The following PTGFRN variants were observed in gnomAD, a reference collection of about 807,000 sequenced individuals.
PTGFRN encodes the protein prostaglandin F2 receptor inhibitor, also known as prostaglandin F2 receptor negative regulator.
A neutral mutation model predicts 83.2 loss-of-function variants in PTGFRN; 35 were observed. That is an observed-to-expected ratio of 0.42 (90% CI 0.32 to 0.56). The LOEUF (loss-of-function observed/expected upper bound fraction) is 0.56, where lower values mean the gene tolerates loss of function less well. Among genes scored for constraint, PTGFRN ranks in the 20% least tolerant of loss-of-function variants. PTGFRN has a pLI of 0.11. For missense variants in PTGFRN, 1,051 were observed against 1,179.5 expected (o/e 0.89, Z 1.60); for synonymous variants, 519 against 498.6 (o/e 1.04, Z -0.55).
At chr1:116,937,905 C>T (rs1238020222) in intron 1 of PTGFRN, among the ~76,000 whole-genome samples, 1 of 152,116 alleles carries the variant, frequency 6.6e-6, no homozygotes, top group Non-Finnish European at 1.5e-5. Context: ...TTAATCCTTA[C>T]CACAGCCCTC....
Position 116,941,806 on chromosome 1 carries a change from C to T in PTGFRN, c.141C>T (p.Asp47=), listed in dbSNP as rs370008766. 3.1e-6 allele frequency: 5 copies of T among 1,614,066 alleles called. No homozygotes were observed. Among genetic ancestry groups the T allele is most frequent in the Admixed American group, 1.7e-5 (1 of 60,006 alleles). ...TELVIPCNVS[D]YDGPSEQNFD... ...TGGTCATCCCCTGCAACGTCAGTGACTATGATGGCCCCAGCGAGCAAAACT... is the reference window on the plus strand; with the variant it reads ...TGGTCATCCCCTGCAACGTCAGTGATTATGATGGCCCCAGCGAGCAAAACT... The change falls in exon 2 of 9, where the codon GAC becomes GAT. Residue 47 remains aspartate (D), a synonymous_variant. Coordinates refer to ENST00000393203, the MANE Select transcript of PTGFRN (RefSeq NM_020440.4). The surrounding 1 kb of genome is among the most constrained non-coding windows in gnomAD (Gnocchi z 5.0).
At chr1:116,943,864 G>A (rs1650117714) in intron 2 of PTGFRN, among the ~76,000 whole-genome samples, 1 of 152,210 alleles carries the variant, frequency 6.6e-6, no homozygotes, top group Non-Finnish European at 1.5e-5. Flanking sequence ...ATGAATAGTG[G>A]TGTTGGAGGG....
chr1:116,936,893 A>T (rs1278765080), intron 1 of PTGFRN, among the ~76,000 whole-genome samples: 1 of 152,224 alleles, frequency 6.6e-6, no homozygotes, highest in Admixed American at 6.5e-5. Flanking sequence ...ATCACTACTC[A>T]TATGGAACTT....
In PTGFRN at chr1:116,966,759, A is replaced by G. The variant is rs377579560; in HGVS notation, c.1640-152A>G. 172 of 797,858 alleles carry G rather than the reference A, an allele frequency of 2.2e-4. 2 individuals carry two copies. In the South Asian group the frequency reaches 3.2e-3, roughly 15 times the overall value. 49.4% of individuals were successfully genotyped at this position (797,858 alleles called of 1,614,324 possible). A position where few individuals can be genotyped will look rare whatever the true frequency, so the allele number is the denominator to read the frequency against. The stretch of plus-strand genomic sequence containing the variant: ...GGTTTTAGCCTGCTTATAGATACAC[A>G]TGATTTTCTTTCTGAGTTTCCAGAT... On this transcript the variant is annotated intron_variant, in intron 5 of 8. Coordinates refer to ENST00000393203, the MANE Select transcript of PTGFRN (RefSeq NM_020440.4).
chr1:116,969,769 A>G (rs1006720006), intron 6 of PTGFRN, among the ~76,000 whole-genome samples: 2 of 152,210 alleles, frequency 1.3e-5, no homozygotes, highest in East Asian at 3.9e-4. Context: ...AATTTTTTCC[A>G]TGGTGTTTCG....
Position 116,941,899 on chromosome 1 carries a change from C to T in PTGFRN, c.234C>T (p.Phe78=). The change falls in exon 2 of 9, where the codon TTC becomes TTT. Residue 78 remains phenylalanine (F), a synonymous_variant. Transcript: ENST00000393203. This position sits in a 1 kb window ranked among gnomAD's most constrained non-coding sequence, Gnocchi z 5.0. ...TTGCAAGCACCTGGGAGGTGGGGTTCCCAGCCCAGCTGTACCAGGAGCGGC... is the reference window on the plus strand; with the variant it reads ...TTGCAAGCACCTGGGAGGTGGGGTTTCCAGCCCAGCTGTACCAGGAGCGGC... ...VELASTWEVG[F]PAQLYQERLQ... is the part of the protein sequence containing the mutation. 1 of 1,614,122 alleles carries T rather than the reference C, an allele frequency of 6.2e-7. No homozygotes were observed. The highest frequency in any genetic ancestry group is 1.1e-5 in the South Asian group (1 of 91,074).
Position 116,918,389 on chromosome 1 carries a change from A to G in PTGFRN, c.49+8137A>G, listed in dbSNP as rs978126862. On this transcript the variant is annotated intron_variant, in intron 1 of 8. Transcript: ENST00000393203. This position sits in a 1 kb window ranked among gnomAD's most constrained non-coding sequence, Gnocchi z 4.1. ...GATTAAAAACAATATATTTAGAAGAATGCAAACATTAGTGTATGTAAGTTC... is the reference window on the plus strand; with the variant it reads ...GATTAAAAACAATATATTTAGAAGAGTGCAAACATTAGTGTATGTAAGTTC... 6.6e-6 allele frequency among the ~76,000 whole-genome samples: 1 copy of G among 152,180 alleles called. No homozygotes were observed. The highest frequency in any genetic ancestry group is 6.5e-5 in the Admixed American group (1 of 15,282).
intron 1 of PTGFRN, among the ~76,000 whole-genome samples, chr1:116,936,331 A>C (rs1322778383): frequency 6.6e-6 from 1 of 152,250 alleles, no homozygotes; most frequent in Non-Finnish European, 1.5e-5. Context: ...CTTGATTTGC[A>C]TGGATGAGGG....
intron 4 of PTGFRN, among the ~76,000 whole-genome samples, chr1:116,960,621 G>A (rs1445524576): frequency 3.3e-5 from 5 of 152,194 alleles, no homozygotes; most frequent in African/African-American, 9.7e-5. Context: ...AGAGTTTGAG[G>A]ATGGGAGTGC....
rs1650918672 is a variant in PTGFRN at position 116,969,056 on chromosome 1, C to T, written c.2059+1726C>T. ...TTCTCGCATTCTGTGTGTTGTCTTT[C>T]ACTTTCTTAATGATGTCTCTTGAAA... On this transcript the variant is annotated intron_variant, in intron 6 of 8. Transcript: ENST00000393203. 4.0e-5 allele frequency among the ~76,000 whole-genome samples: 6 copies of T among 150,762 alleles called. No individual in the cohort carries two copies. The South Asian group carries it at 1.3e-3, about 31-fold the overall frequency.
chr1:116,953,266 C>T (rs1275536522), intron 4 of PTGFRN, among the ~76,000 whole-genome samples: 1 of 152,186 alleles, frequency 6.6e-6, no homozygotes, highest in Non-Finnish European at 1.5e-5. Context: ...TTTAAAAGAG[C>T]TGTTAATCTG....
intron 3 of PTGFRN, among the ~76,000 whole-genome samples, chr1:116,947,794 A>T (rs918190863): frequency 2.6e-5 from 4 of 152,170 alleles, no homozygotes; most frequent in African/African-American, 9.7e-5. Context: ...CAGTTTCCAT[A>T]CTTAGTCCTC....
chr1:116,937,614 A>T (rs1265392154), intron 1 of PTGFRN, among the ~76,000 whole-genome samples: 1 of 152,206 alleles, frequency 6.6e-6, no homozygotes, highest in Non-Finnish European at 1.5e-5. Context: ...AGACAAGGAG[A>T]TGAATCAGTT....
intron 4 of PTGFRN, among the ~76,000 whole-genome samples, chr1:116,950,002 A>AT (rs112016391): frequency 0.014 from 2,126 of 149,038 alleles, 59 homozygotes; most frequent in African/African-American, 0.05. Flanking sequence ...ATTAGAAAGC[A>AT]TTTTTTTTTT....
intron 7 of PTGFRN, among the ~76,000 whole-genome samples, chr1:116,979,761 A>G (rs1651257203): frequency 6.6e-6 from 1 of 152,254 alleles, no homozygotes; most frequent in Non-Finnish European, 1.5e-5. Context: ...CTAAAACCAT[A>G]AAAACCCTAG....
intron 6 of PTGFRN, among the ~76,000 whole-genome samples, chr1:116,970,735 C>T (rs1650972430): frequency 6.6e-6 from 1 of 152,188 alleles, no homozygotes; most frequent in African/African-American, 2.4e-5. Context: ...AATACTATAG[C>T]CCTGAATAGC....
chr1:116,989,110 G>C lies in PTGFRN; in HGVS notation c.*2143G>C, dbSNP rs780082774. 1 of 152,208 alleles carries C rather than the reference G, an allele frequency of 6.6e-6. No homozygotes were observed. Among genetic ancestry groups the C allele is most frequent in the Non-Finnish European group, 1.5e-5 (1 of 68,044 alleles). The allele number at this position is 152,208 out of a possible 1,614,324, so 9.4% of individuals were successfully genotyped here. ...CAGGCCCTTCTTAGTAGGAAGAAAG[G>C]GTGCTTAGCTTTGGACCTGACCGGG... On this transcript the variant is annotated 3_prime_UTR_variant, in exon 9 of 9. Coordinates refer to ENST00000393203, the MANE Select transcript of PTGFRN (RefSeq NM_020440.4).
In PTGFRN at chr1:116,944,833, G is replaced by A. The variant is rs762925553; in HGVS notation, c.573G>A (p.Pro191=). ...LALLWEVHRG[P]ARRSVLALTH... The stretch of plus-strand genomic sequence containing the variant: ...TGCTGTGGGAGGTGCACCGCGGCCC[G>A]GCCAGGCGGAGCGTCCTCGCCCTGA... The change falls in exon 3 of 9, where the codon CCG becomes CCA. Residue 191 remains proline (P), a synonymous_variant. Transcript: ENST00000393203. 6 of 1,585,304 alleles carry A rather than the reference G, an allele frequency of 3.8e-6. No homozygotes were observed. The highest frequency in any genetic ancestry group is 1.7e-6 in the Non-Finnish European group (2 of 1,168,652).
At chr1:116,973,493 T>C (rs1405239980) in intron 6 of PTGFRN, among the ~76,000 whole-genome samples, 1 of 149,948 alleles carries the variant, frequency 6.7e-6, no homozygotes, top group African/African-American at 2.5e-5. Flanking sequence ...TAATCCCAGC[T>C]ACCCAGGAGG....
Sources: allele counts gnomAD v4.1 joint callset (sites outside exome capture counted in the v4.1 genomes callset), GRCh38; gene constraint gnomAD v4.1.1; non-coding constraint Gnocchi (gnomAD v3.1); transcripts MANE v1.5; gene names NCBI Gene and HGNC (gene_info 2026-07-23, HGNC 2026-07-21).